Variants in SLC31A2 observed in about 807,000 individuals in gnomAD.
SLC31A2 encodes the protein protein SLC31A2.
SLC31A2 carries 16 observed loss-of-function variants against 14.4 expected under a neutral mutation model. That is an observed-to-expected ratio of 1.11 (90% CI 0.75 to 1.69). The LOEUF (loss-of-function observed/expected upper bound fraction) is 1.69. SLC31A2 is among the 40% of genes most tolerant of loss of function. The probability of loss-of-function intolerance (pLI) is 0.00; values close to 1 mark genes in which losing one functional copy is unlikely to be tolerated. For synonymous variants in SLC31A2, 56 were observed against 68.7 expected, an observed-to-expected ratio of 0.82 and a Z score of 0.91; for missense variants, 140 against 173.9, an observed-to-expected ratio of 0.81 and a Z score of 1.10.
Position 113,163,138 on chromosome 9 carries a change from T to G in SLC31A2, c.*221T>G. On this transcript the variant is annotated 3_prime_UTR_variant, in exon 4 of 4. Coordinates refer to ENST00000259392, the MANE Select transcript of SLC31A2 (RefSeq NM_001860.3). ...TACGTAGGGCCCAGGCATGGTCTTG[T>G]GTCTTAAGACAGCTGCTGTGACCAA... The G allele has an allele frequency of 2.3e-6, 1 of 442,376 alleles. No individual in the cohort carries two copies. The highest frequency in any genetic ancestry group is 4.0e-6 in the Non-Finnish European group (1 of 248,692). 27.4% of individuals were successfully genotyped at this position (442,376 alleles called of 1,614,324 possible). A position where few individuals can be genotyped will look rare whatever the true frequency, so the allele number is the denominator to read the frequency against.
rs1261135865 is a variant in SLC31A2 at position 113,162,855 on chromosome 9, G to A, written c.370G>A (p.Gly124Ser). ...VMSYNTWIFL[G>S]VVLGSAVGYY... The stretch of plus-strand genomic sequence containing the variant: ...GTCCTACAACACCTGGATTTTCCTT[G>A]GTGTGGTCTTGGGCTCTGCTGTGGG... The change falls in exon 4 of 4, where the codon GGT (glycine) becomes AGT (serine). Residue 124 changes from glycine to serine, a missense_variant. Physicochemically the swap from Gly to Ser is moderately conservative, Grantham distance 56 (BLOSUM62 0). Transcript: ENST00000259392. 1.2e-6 allele frequency: 2 copies of A among 1,613,496 alleles called. No individual in the cohort carries two copies.
At chr9:113,156,326 AG>A (rs1206995173) in intron 1 of SLC31A2, among the ~76,000 whole-genome samples, 40 of 152,136 alleles carry the variant, frequency 2.6e-4, no homozygotes, top group Non-Finnish European at 2.9e-5. Flanking sequence ...TGGAAATGAG[AG>A]GGGGTGGAGA....
chr9:113,156,390 T>C (rs1277622118), intron 1 of SLC31A2, among the ~76,000 whole-genome samples: 2 of 152,168 alleles, frequency 1.3e-5, no homozygotes, highest in Non-Finnish European at 2.9e-5. Context: ...TCATCAGAGC[T>C]CATATTTCTC....
At chr9:113,159,494 T>C (rs545907233) in intron 2 of SLC31A2, among the ~76,000 whole-genome samples, 2 of 152,170 alleles carry the variant, frequency 1.3e-5, no homozygotes, top group Non-Finnish European at 2.9e-5. Flanking sequence ...TGAAATTACC[T>C]ATAATTTTAT....
At chr9:113,160,782 C>A (rs1004053149) in intron 2 of SLC31A2, among the ~76,000 whole-genome samples, 1 of 152,118 alleles carries the variant, frequency 6.6e-6, no homozygotes, top group Non-Finnish European at 1.5e-5. Flanking sequence ...GGAGCCTCAG[C>A]CATCAGTCAT....
At position 113,161,511 on chromosome 9, in the gene SLC31A2, A is replaced by G; in HGVS notation, c.76A>G (p.Met26Val). ...CACAACTCTGCCTCCTTTGACAGGC[A>G]TGGCCCTTTCGGTGTTGGTGCTCCT... ...DFWSVHSPAG[M>V]ALSVLVLLLL... is the part of the protein sequence containing the mutation. Residue 26 changes from methionine (M) to valine (V), a missense_variant and splice_region_variant, in exon 3 of 4, where the codon ATG becomes GTG. By Grantham distance (21) the Met-to-Val change is conservative. Transcript: ENST00000259392. 7 of 1,613,944 alleles carry G rather than the reference A, an allele frequency of 4.3e-6. No homozygotes were observed. The highest frequency in any genetic ancestry group is 5.9e-6 in the Non-Finnish European group (7 of 1,179,868).
chr9:113,154,872 A>G (rs117725512), intron 1 of SLC31A2, among the ~76,000 whole-genome samples: 2,947 of 152,208 alleles, frequency 0.019, 38 homozygotes, highest in Non-Finnish European at 0.029. Context: ...CCTTTATTTA[A>G]GGTGCACTCT....
At position 113,151,333 on chromosome 9, in the gene SLC31A2, G is replaced by A. The variant is rs552229814; in HGVS notation, c.6+253G>A. On this transcript the variant is annotated intron_variant, in intron 1 of 3. Transcript: ENST00000259392. This position sits in a 1 kb window ranked among gnomAD's most constrained non-coding sequence, Gnocchi z 4.2. Reference sequence around the variant, plus strand: ...CTAGGCGAGCAGTTACCGAGCGCCCGCGGTGGCGCGGCTTGAGAGTGGGGG... The same window carrying A: ...CTAGGCGAGCAGTTACCGAGCGCCCACGGTGGCGCGGCTTGAGAGTGGGGG... Among the ~76,000 whole-genome samples, 20 of 152,256 alleles carry A rather than the reference G, an allele frequency of 1.3e-4. No homozygotes were observed. The South Asian group carries it at 2.1e-3, about 16-fold the overall frequency.
intron 2 of SLC31A2, 117 bp from the exon 3 acceptor site, chr9:113,161,392 T>G: frequency 1.1e-6 from 1 of 898,480 alleles, no homozygotes; most frequent in Non-Finnish European, 1.8e-6. Context: ...TCAGCAAGGG[T>G]GGGGAAGAAG....
At chr9:113,154,306 C>T (rs572002707) in intron 1 of SLC31A2, among the ~76,000 whole-genome samples, 6 of 152,276 alleles carry the variant, frequency 3.9e-5, no homozygotes, top group Middle Eastern at 3.4e-3. Context: ...ATCTTACAGA[C>T]GAGGAGACTG....
chr9:113,162,695 C>T, intron 3 of SLC31A2, 54 bp from the exon 4 acceptor site: 1 of 1,526,950 alleles, frequency 6.5e-7, no homozygotes, highest in Non-Finnish European at 8.9e-7. Flanking sequence ...CTACTCCCAG[C>T]TTCCTCATTA....
chr9:113,162,929 C>T lies in SLC31A2; in HGVS notation c.*12C>T, dbSNP rs766795862. 5 of 1,588,826 alleles carry T rather than the reference C, an allele frequency of 3.1e-6. No homozygotes were observed. Among genetic ancestry groups the T allele is most frequent in the East Asian group, 2.3e-5 (1 of 43,280 alleles). ...TCAGCACAGCTTAGCTGGTGAGGAACGTGCAGGCACTGAGGCTGGAGGGAC... is the reference window on the plus strand; with the variant it reads ...TCAGCACAGCTTAGCTGGTGAGGAATGTGCAGGCACTGAGGCTGGAGGGAC... On this transcript the variant is annotated 3_prime_UTR_variant, in exon 4 of 4. Coordinates refer to ENST00000259392, the MANE Select transcript of SLC31A2 (RefSeq NM_001860.3).
intron 1 of SLC31A2, among the ~76,000 whole-genome samples, chr9:113,156,508 C>G (rs1270474387): frequency 6.6e-6 from 1 of 152,228 alleles, no homozygotes; most frequent in Non-Finnish European, 1.5e-5. Flanking sequence ...GGACTAAAAA[C>G]TCTGAGGATA....
At chr9:113,158,093 C>T (rs1256112891) in intron 2 of SLC31A2, 1 of 513,492 alleles carries the variant, frequency 1.9e-6, no homozygotes, top group Non-Finnish European at 3.9e-6. Context: ...TGCAGGGTCA[C>T]ACAGTAAGTA....
intron 1 of SLC31A2, among the ~76,000 whole-genome samples, chr9:113,157,443 G>A (rs1286398776): frequency 6.6e-6 from 1 of 152,210 alleles, no homozygotes; most frequent in Non-Finnish European, 1.5e-5. Context: ...CATAGTCTGA[G>A]GACACTGTCA....
chr9:113,158,030 T>TG, intron 2 of SLC31A2: 1 of 602,942 alleles, frequency 1.7e-6, no homozygotes, highest in South Asian at 1.5e-5. Context: ...AGGCAGCTTT[T>TG]CCCTCTGTTA....
chr9:113,162,981 A>C lies in SLC31A2; in HGVS notation c.*64A>C. 1 of 1,386,648 alleles carries C rather than the reference A, an allele frequency of 7.2e-7. No homozygotes were observed. Among genetic ancestry groups the C allele is most frequent in the East Asian group, 2.6e-5 (1 of 38,472 alleles). 85.9% of individuals were successfully genotyped at this position (1,386,648 alleles called of 1,614,324 possible). ...TGGAGCCCCCTCTTCCAGACACTAT[A>C]CTTCCAACTGCCCTTTCTTCTGATG... On this transcript the variant is annotated 3_prime_UTR_variant, in exon 4 of 4. Coordinates refer to ENST00000259392, the MANE Select transcript of SLC31A2 (RefSeq NM_001860.3).
rs1371478744 is a variant in SLC31A2 at position 113,162,860 on chromosome 9, G to A, written c.375G>A (p.Val125=). The change falls in exon 4 of 4, where the codon GTG becomes GTA. Residue 125 remains valine (V), a synonymous_variant. Coordinates refer to ENST00000259392, the MANE Select transcript of SLC31A2 (RefSeq NM_001860.3). ...MSYNTWIFLG[V]VLGSAVGYYL... ...ACAACACCTGGATTTTCCTTGGTGTGGTCTTGGGCTCTGCTGTGGGCTACT... is the reference window on the plus strand; with the variant it reads ...ACAACACCTGGATTTTCCTTGGTGTAGTCTTGGGCTCTGCTGTGGGCTACT... 2 of 1,613,360 alleles carry A rather than the reference G, an allele frequency of 1.2e-6. No individual in the cohort carries two copies. Among genetic ancestry groups the A allele is most frequent in the Admixed American group, 3.3e-5 (2 of 59,984 alleles).
chr9:113,160,733 A>G (rs1830000527), intron 2 of SLC31A2, among the ~76,000 whole-genome samples: 1 of 152,122 alleles, frequency 6.6e-6, no homozygotes, highest in Admixed American at 6.6e-5. Flanking sequence ...CCAACCTCCA[A>G]GCACAAGTTT....
Sources: gnomAD v4.1 joint callset for allele counts (sites outside exome capture counted in the v4.1 genomes callset) on GRCh38, gnomAD v4.1.1 for gene constraint, Gnocchi (gnomAD v3.1) non-coding constraint, MANE v1.5 for transcripts, NCBI Gene and HGNC (gene_info 2026-07-23, HGNC 2026-07-21) for gene names.